The following PCDH15 variants were observed in gnomAD, a reference collection of about 807,000 sequenced individuals.
PCDH15 encodes protocadherin-15.
A neutral mutation model predicts 178.5 loss-of-function variants in PCDH15; 129 were observed. The observed-to-expected ratio is 0.72, with a 90% CI of 0.63 to 0.84. The LOEUF (loss-of-function observed/expected upper bound fraction) is 0.84, where lower values mean the gene tolerates loss of function less well. Ranked by LOEUF, PCDH15 falls within the 40% of genes least tolerant of loss-of-function variation. The pLI, the probability that PCDH15 is intolerant of heterozygous loss-of-function variation, is 0.00. For missense variants in PCDH15, 2,230 were observed against 2,099.9 expected (o/e 1.06, Z -1.21); for synonymous variants, 800 against 732.0 (o/e 1.09, Z -1.50).
At chr10:54,584,070 T>G (rs117251685) in intron 2 of PCDH15, among the ~76,000 whole-genome samples, 2,364 of 152,164 alleles carry the variant, frequency 0.016, 27 homozygotes, top group South Asian at 0.024. Context: ...GCAGAACATA[T>G]CAATCACCTC....
At chr10:55,307,614 T>C (rs1480998688) in intron 1 of PCDH15, among the ~76,000 whole-genome samples, 2 of 151,148 alleles carry the variant, frequency 1.3e-5, no homozygotes, top group African/African-American at 4.9e-5. Context: ...TACTTTCTTC[T>C]TCTCTCTCTC....
chr10:54,345,922 T>A, intron 6 of PCDH15, among the ~76,000 whole-genome samples: 1 of 151,880 alleles, frequency 6.6e-6, no homozygotes, highest in Non-Finnish European at 1.5e-5. Context: ...TCTTCTTCTC[T>A]ATCTTTGGTT....
Position 53,806,927 on chromosome 10 carries a change from A to G in PCDH15, c.4875T>C (p.Val1625=). The G allele has an allele frequency of 6.2e-7, 1 of 1,613,862 alleles. No individual in the cohort carries two copies. Among genetic ancestry groups the G allele is most frequent in the South Asian group, 1.1e-5 (1 of 91,072 alleles). Residue 1625 remains valine, a synonymous_variant, in exon 38 of 38, where the codon GTT becomes GTC. Coordinates refer to ENST00000644397, the MANE Select transcript of PCDH15 (RefSeq NM_001384140.1). ...RRACLTDNLK[V]ASPVRLGGPF... Reference sequence around the variant, plus strand: ...GCCCTCCCAGTCGAACAGGGGAAGCAACTTTTAAGTTGTCCGTGAGGCAGG... The same window carrying G: ...GCCCTCCCAGTCGAACAGGGGAAGCGACTTTTAAGTTGTCCGTGAGGCAGG...
intron 3 of PCDH15, among the ~76,000 whole-genome samples, chr10:54,470,088 G>A (rs1292038935): frequency 6.6e-6 from 1 of 152,152 alleles, no homozygotes; most frequent in African/African-American, 2.4e-5. Flanking sequence ...ACAGTCACTG[G>A]CTGTGGTATA....
chr10:55,357,126 G>T (rs2244823), intron 2 of PCDH15, among the ~76,000 whole-genome samples: 34 of 151,476 alleles, frequency 2.2e-4, no homozygotes, highest in African/African-American at 8.2e-4. Flanking sequence ...AAAATCGCTG[G>T]GCAGTTTAAC....
chr10:54,645,779 T>C (rs141381421), intron 2 of PCDH15, among the ~76,000 whole-genome samples: 116 of 152,322 alleles, frequency 7.6e-4, no homozygotes, highest in Admixed American at 1.4e-3. Flanking sequence ...AAACATTAAA[T>C]ATGCTTTAAA....
chr10:55,029,185 C>T (rs533704099), intron 2 of PCDH15, among the ~76,000 whole-genome samples: 22 of 151,956 alleles, frequency 1.4e-4, no homozygotes, highest in East Asian at 1.4e-3. Flanking sequence ...ATAAAATTCC[C>T]GGCCATATTT....
intron 1 of PCDH15, among the ~76,000 whole-genome samples, chr10:54,706,766 A>C (rs2095369434): frequency 2.6e-5 from 4 of 152,068 alleles, no homozygotes; most frequent in Admixed American, 2.6e-4. Context: ...TGGGACTACC[A>C]GTGCATGCCA....
chr10:55,339,399 T>C (rs947435556), intron 2 of PCDH15, among the ~76,000 whole-genome samples: 9 of 152,162 alleles, frequency 5.9e-5, no homozygotes, highest in Non-Finnish European at 1.2e-4. Context: ...TAGTGAATTC[T>C]GGTTCTGTAC....
chr10:54,317,224 G>T (rs1220116090), intron 8 of PCDH15, 47 bp downstream of exon 8: 1 of 1,574,620 alleles, frequency 6.4e-7, no homozygotes, highest in South Asian at 1.1e-5. Flanking sequence ...GATCCCATTG[G>T]GTTTTAAAAC....
intron 2 of PCDH15, among the ~76,000 whole-genome samples, chr10:55,122,784 T>G (rs917512076): frequency 8.5e-5 from 13 of 152,114 alleles, no homozygotes; most frequent in Admixed American, 3.3e-4. Flanking sequence ...ACTAAGCTTT[T>G]GGGACAAAAA....
intron 3 of PCDH15, among the ~76,000 whole-genome samples, chr10:54,447,246 T>C (rs1227104741): frequency 6.6e-6 from 1 of 151,642 alleles, no homozygotes; most frequent in Admixed American, 6.6e-5. Context: ...GTGGTGAGAA[T>C]ACTTGAAATC....
chr10:53,978,504 C>A (rs2090370425), intron 21 of PCDH15, among the ~76,000 whole-genome samples: 2 of 152,026 alleles, frequency 1.3e-5, no homozygotes, highest in Admixed American at 1.3e-4. Flanking sequence ...CCATTTTTCC[C>A]TCTTAGGCCT....
chr10:55,008,095 T>C (rs954313469), intron 2 of PCDH15, among the ~76,000 whole-genome samples: 1 of 152,164 alleles, frequency 6.6e-6, no homozygotes, highest in African/African-American at 2.4e-5. Flanking sequence ...TTGCCACATA[T>C]TTGAAAGTCT....
At chr10:55,508,261 T>C (rs1840804133) in intron 2 of PCDH15, among the ~76,000 whole-genome samples, 2 of 151,700 alleles carry the variant, frequency 1.3e-5, no homozygotes, top group Non-Finnish European at 2.9e-5. Flanking sequence ...TTCAATGAAA[T>C]TAGCATGGGA....
chr10:53,822,012 T>C lies in PCDH15; in HGVS notation c.4368-1782A>G, dbSNP rs1218936231. 1.9e-6 allele frequency: 3 copies of C among 1,614,048 alleles called. No homozygotes were observed. In the Admixed American group the frequency reaches 5.0e-5, roughly 27 times the overall value. ...TGAAACATTTGTGCGTAGATAGTTTTTTTCTATTTGACTGTACATGTTAGC... is the reference window on the plus strand; with the variant it reads ...TGAAACATTTGTGCGTAGATAGTTTCTTTCTATTTGACTGTACATGTTAGC... On this transcript the variant is annotated intron_variant, in intron 32 of 37. Transcript: ENST00000644397.
At chr10:53,814,333 A>C (rs1022625734) in intron 35 of PCDH15, among the ~76,000 whole-genome samples, 5 of 152,194 alleles carry the variant, frequency 3.3e-5, no homozygotes, top group African/African-American at 9.6e-5. Flanking sequence ...ATGGAGAAAT[A>C]ATGCAACTGA....
chr10:54,540,124 T>C (rs551162093), intron 2 of PCDH15, among the ~76,000 whole-genome samples: 52 of 152,150 alleles, frequency 3.4e-4, no homozygotes, highest in African/African-American at 1.2e-3. Flanking sequence ...ACTCAAAAGC[T>C]ACCTGAAGAA....
chr10:55,487,339 C>T (rs574885754), intron 2 of PCDH15, among the ~76,000 whole-genome samples: 255 of 151,772 alleles, frequency 1.7e-3, no homozygotes, highest in Non-Finnish European at 2.8e-3. Context: ...GGTTTGTCAT[C>T]ATCAGATTCT....
Sources: allele counts gnomAD v4.1 joint callset (sites outside exome capture counted in the v4.1 genomes callset), GRCh38; gene constraint gnomAD v4.1.1; transcripts MANE v1.5; gene names NCBI Gene and HGNC (gene_info 2026-07-23, HGNC 2026-07-21).